RIT2: variants seen among roughly 807,000 people sequenced by gnomAD.
RIT2 encodes Ras like without CAAX 2.
Under a neutral mutation model 23.7 loss-of-function variants are expected in RIT2, and 24 were observed. The observed-to-expected ratio is 1.01, with a 90% confidence interval of 0.73 to 1.43. The LOEUF (loss-of-function observed/expected upper bound fraction) is 1.43, where lower values mean the gene tolerates loss of function less well. RIT2 is among the 40% of genes most tolerant of loss of function. The probability of loss-of-function intolerance (pLI) is 0.00; values close to 1 mark genes in which losing one functional copy is unlikely to be tolerated. For synonymous variants in RIT2, 107 were observed against 91.1 expected (o/e 1.17, Z -0.99); for missense variants, 236 against 266.9 (o/e 0.88, Z 0.81).
At chr18:42,839,935 A>G (rs1906717756) in intron 4 of RIT2, among the ~76,000 whole-genome samples, 1 of 152,234 alleles carries the variant, frequency 6.6e-6, no homozygotes, top group Non-Finnish European at 1.5e-5. Context: ...GAAGCCAAAC[A>G]ATAACTTCTT....
chr18:42,827,771 C>G (rs141868385), intron 4 of RIT2, among the ~76,000 whole-genome samples: 13 of 151,760 alleles, frequency 8.6e-5, no homozygotes, highest in African/African-American at 3.1e-4. Context: ...TTTGGGAGGC[C>G]GAGGCGGGCG....
chr18:42,807,230 C>A (rs1312070988), intron 4 of RIT2, among the ~76,000 whole-genome samples: 1 of 152,130 alleles, frequency 6.6e-6, no homozygotes, highest in African/African-American at 2.4e-5. Context: ...GGACCTTAGA[C>A]TCCTCTGTTT....
intron 1 of RIT2, among the ~76,000 whole-genome samples, chr18:43,037,756 T>C (rs1156402519): frequency 1.3e-5 from 2 of 152,184 alleles, no homozygotes; most frequent in African/African-American, 2.4e-5. Flanking sequence ...ACTATTTTTC[T>C]ATAGCCTTGA....
chr18:43,026,620 G>GAA (rs768319703), intron 2 of RIT2, among the ~76,000 whole-genome samples: 4 of 141,850 alleles, frequency 2.8e-5, no homozygotes, highest in South Asian at 4.7e-4. Flanking sequence ...AAGAAAGAAA[G>GAA]AAAGAAAGAA....
chr18:42,788,497 T>G (rs1913970786), intron 4 of RIT2, among the ~76,000 whole-genome samples: 1 of 152,220 alleles, frequency 6.6e-6, no homozygotes, highest in African/African-American at 2.4e-5. Context: ...TATCCATGAA[T>G]TGTTTTGAAA....
intron 4 of RIT2, among the ~76,000 whole-genome samples, chr18:42,896,693 T>C (rs1377261560): frequency 1.3e-5 from 2 of 152,220 alleles, no homozygotes; most frequent in African/African-American, 4.8e-5. Flanking sequence ...GAAGTCTAGA[T>C]TGTCTGGAGG....
At chr18:42,822,714 A>T (rs1906187555) in intron 4 of RIT2, among the ~76,000 whole-genome samples, 1 of 152,138 alleles carries the variant, frequency 6.6e-6, no homozygotes, top group African/African-American at 2.4e-5. Context: ...TCTTTATTTT[A>T]CATATCTGAA....
chr18:42,911,628 T>A (rs1013547655), intron 4 of RIT2, among the ~76,000 whole-genome samples: 1 of 152,028 alleles, frequency 6.6e-6, no homozygotes, highest in Non-Finnish European at 1.5e-5. Context: ...TTGAAACAAA[T>A]TTTAAAAATG....
chr18:43,034,282 T>C (rs1034365758), intron 1 of RIT2, among the ~76,000 whole-genome samples: 2 of 152,184 alleles, frequency 1.3e-5, no homozygotes, highest in African/African-American at 4.8e-5. Context: ...TTAAAGTGAA[T>C]AGATACCCTC....
intron 1 of RIT2, among the ~76,000 whole-genome samples, chr18:43,087,548 A>C (rs2144355820): frequency 6.6e-6 from 1 of 152,260 alleles, no homozygotes; most frequent in South Asian, 2.1e-4. Flanking sequence ...AAAAAGTGAC[A>C]GTGTGATTTC....
chr18:42,850,076 C>CAT (rs139097973), intron 4 of RIT2, among the ~76,000 whole-genome samples: 1 of 142,660 alleles, frequency 7.0e-6, no homozygotes, highest in Non-Finnish European at 1.5e-5. Context: ...AAAATACACC[C>CAT]GTGTGTGTGT....
chr18:42,846,701 A>C (rs1906918720), intron 4 of RIT2, among the ~76,000 whole-genome samples: 1 of 152,142 alleles, frequency 6.6e-6, no homozygotes, highest in Admixed American at 6.6e-5. Context: ...CAATTATATC[A>C]ATAGATGCAA....
intron 3 of RIT2, among the ~76,000 whole-genome samples, chr18:42,950,001 C>T (rs1359963522): frequency 2.0e-5 from 3 of 152,074 alleles, no homozygotes; most frequent in Admixed American, 6.6e-5. Context: ...TAAAACAGCT[C>T]ATGCACAAGA....
At chr18:42,984,035 C>T (rs1178680288) in intron 2 of RIT2, among the ~76,000 whole-genome samples, 1 of 152,002 alleles carries the variant, frequency 6.6e-6, no homozygotes, top group African/African-American at 2.4e-5. Context: ...ATAGCAAGTG[C>T]ACTCCTGAGC....
intron 4 of RIT2, among the ~76,000 whole-genome samples, chr18:42,822,690 G>T (rs1555640137): frequency 6.6e-6 from 1 of 151,930 alleles, no homozygotes; most frequent in Non-Finnish European, 1.5e-5. Context: ...TCTGCTAAAG[G>T]TTTATCAATA....
At chr18:42,913,806 T>C (rs1164770795) in intron 4 of RIT2, among the ~76,000 whole-genome samples, 4 of 152,010 alleles carry the variant, frequency 2.6e-5, no homozygotes, top group African/African-American at 9.7e-5. Flanking sequence ...GCTGTAGTTA[T>C]AACAATGTGC....
intron 2 of RIT2, among the ~76,000 whole-genome samples, chr18:43,030,331 T>C (rs539755475): frequency 1.3e-5 from 2 of 151,942 alleles, no homozygotes; most frequent in Non-Finnish European, 2.9e-5. Context: ...GGTGAAAAAA[T>C]GAAGAGCATT....
At chr18:43,096,009 G>T (rs1913543572) in intron 1 of RIT2, among the ~76,000 whole-genome samples, 1 of 151,826 alleles carries the variant, frequency 6.6e-6, no homozygotes, top group African/African-American at 2.4e-5. Flanking sequence ...CTTTGCAAAG[G>T]TGTTAATAAT....
chr18:42,775,050 C>T (rs1361390193), intron 4 of RIT2, among the ~76,000 whole-genome samples: 2 of 152,128 alleles, frequency 1.3e-5, no homozygotes, highest in African/African-American at 4.8e-5. Context: ...ATGTGTTTAT[C>T]AGTTTATATT....
Sources: gnomAD v4.1 joint callset for allele counts (sites outside exome capture counted in the v4.1 genomes callset) on GRCh38, gnomAD v4.1.1 for gene constraint, MANE v1.5 for transcripts, NCBI Gene and HGNC (gene_info 2026-07-23, HGNC 2026-07-21) for gene names.